TRHDE: variants seen among roughly 807,000 people sequenced by gnomAD.
TRHDE encodes thyrotropin-releasing hormone-degrading ectoenzyme.
Under a neutral mutation model 125.7 loss-of-function variants are expected in TRHDE, and 72 were observed. The ratio of observed to expected loss-of-function variants is 0.57; its 90% CI spans 0.47 to 0.70. The LOEUF is 0.70. Ranked by LOEUF, TRHDE falls within the 30% of genes least tolerant of loss-of-function variation. The probability of loss-of-function intolerance (pLI) is 0.00; values close to 1 mark genes in which losing one functional copy is unlikely to be tolerated. For missense variants in TRHDE, 1,110 were observed against 1,327.1 expected (o/e 0.84, Z 2.54); for synonymous variants, 509 against 509.1 (o/e 1.00, Z 0.00).
At chr12:72,206,665 A>G (rs1010856309) in intron 2 of TRHDE, among the ~76,000 whole-genome samples, 3 of 152,080 alleles carry the variant, frequency 2.0e-5, no homozygotes, top group Non-Finnish European at 4.4e-5. Flanking sequence ...GTGTTTCATT[A>G]TTATCCCTTT....
chr12:72,553,885 G>C (rs1172766207), intron 7 of TRHDE, among the ~76,000 whole-genome samples: 2 of 113,062 alleles, frequency 1.8e-5, no homozygotes, highest in Admixed American at 2.1e-4. Context: ...TTTCGCTCTT[G>C]TCACCCAGGC....
chr12:72,106,686 G>A (rs1875194932), intron 2 of TRHDE, among the ~76,000 whole-genome samples: 1 of 152,038 alleles, frequency 6.6e-6, no homozygotes, highest in Non-Finnish European at 1.5e-5. Flanking sequence ...CCGATATAGT[G>A]GATATTGCCA....
rs555493546 is a variant in TRHDE at position 72,365,145 on chromosome 12, C to A, written c.1189-12850C>A. 2.0e-5 allele frequency among the ~76,000 whole-genome samples: 3 copies of A among 152,154 alleles called. No homozygotes were observed. The South Asian group carries it at 6.2e-4, about 32-fold the overall frequency. ...TTGTTAGAGTTAAAAATAATAACAG[C>A]CCTGTTGAATGTATCTTCATTGAAG... On this transcript the variant is annotated intron_variant, in intron 2 of 18. Transcript: ENST00000261180.
intron 7 of TRHDE, among the ~76,000 whole-genome samples, chr12:72,553,674 C>A (rs935439939): frequency 3.3e-5 from 5 of 151,970 alleles, no homozygotes; most frequent in African/African-American, 1.2e-4. Context: ...AAGCAGCTTT[C>A]CAGAAGCCTA....
rs1483982600 is a variant in TRHDE at position 72,546,799 on chromosome 12, G to T, written c.1788+4443G>T. ...AAAGGCATTTGGGTTTCATAGGGAAGTAATACACAAATTCTCAGCTGCCTA... is the reference window on the plus strand; with the variant it reads ...AAAGGCATTTGGGTTTCATAGGGAATTAATACACAAATTCTCAGCTGCCTA... On this transcript the variant is annotated intron_variant, in intron 7 of 18. Coordinates refer to ENST00000261180, the MANE Select transcript of TRHDE (RefSeq NM_013381.3). 2.6e-5 allele frequency among the ~76,000 whole-genome samples: 4 copies of T among 151,782 alleles called. No homozygotes were observed. In the East Asian group the frequency reaches 7.8e-4, roughly 29 times the overall value.
At chr12:72,614,330 A>ATATATATATATATTTTTT (rs531067163) in intron 12 of TRHDE, among the ~76,000 whole-genome samples, 9 of 129,860 alleles carry the variant, frequency 6.9e-5, no homozygotes, top group African/African-American at 2.7e-4. Flanking sequence ...ATATATATAT[A>ATATATATATATATTTTTT]TTTTTTTTTT....
chr12:72,189,337 G>A (rs1158321849), intron 2 of TRHDE, among the ~76,000 whole-genome samples: 3 of 152,160 alleles, frequency 2.0e-5, no homozygotes, highest in Admixed American at 6.5e-5. Context: ...AAGAATGGTG[G>A]ACATTATGGA....
chr12:72,562,885 A>G lies in TRHDE; in HGVS notation c.1887A>G (p.Ile629Met). ...ALKRNGKYVN[I>M]QEVMDQWTLQ... ...AAAGAAATGGGAAATATGTAAATAT[A>G]CAAGAAGTAATGGATCAGTGGACAC... Residue 629 changes from isoleucine to methionine, a missense_variant, in exon 9 of 19, where the codon ATA becomes ATG. Around this residue, in one of 5 missense-constraint regions of TRHDE, gnomAD observed 527 missense variants for 651.8 expected, o/e 0.81. Transcript: ENST00000261180. 1 of 1,589,490 alleles carries G rather than the reference A, an allele frequency of 6.3e-7. No homozygotes were observed. The highest frequency in any genetic ancestry group is 8.5e-7 in the Non-Finnish European group (1 of 1,172,688).
chr12:72,585,565 T>G (rs4144975), intron 12 of TRHDE, among the ~76,000 whole-genome samples: 40,386 of 152,112 alleles, frequency 0.27, 8,159 homozygotes, highest in African/African-American at 0.54. Context: ...TCCTAATGCC[T>G]ACTCTAAGAG....
intron 3 of TRHDE, among the ~76,000 whole-genome samples, chr12:72,437,299 C>T (rs895916212): frequency 6.6e-6 from 1 of 151,898 alleles, no homozygotes; most frequent in East Asian, 1.9e-4. Context: ...TCTTTGTAAC[C>T]TTTCCTTTTC....
chr12:72,222,754 A>G (rs926539264), intron 2 of TRHDE, among the ~76,000 whole-genome samples: 2 of 152,082 alleles, frequency 1.3e-5, no homozygotes, highest in Non-Finnish European at 2.9e-5. Flanking sequence ...ATCTGCATTC[A>G]TAGTGGTCCT....
chr12:72,367,485 C>T (rs1871387493), intron 2 of TRHDE, among the ~76,000 whole-genome samples: 1 of 152,004 alleles, frequency 6.6e-6, no homozygotes, highest in Non-Finnish European at 1.5e-5. Context: ...TGAATCTGGG[C>T]ATTAGTTCCC....
Position 72,652,379 on chromosome 12 carries a change from G to A in TRHDE, c.2733G>A (p.Glu911=). The A allele has an allele frequency of 6.2e-7, 1 of 1,606,386 alleles. No homozygotes were observed. The highest frequency in any genetic ancestry group is 1.7e-4 in the Middle Eastern group (1 of 6,034). ...GTACAGGAGTGTCACTACTGGATGAGGATGTCTGGGAATTCATATGGATGA... is the reference window on the plus strand; with the variant it reads ...GTACAGGAGTGTCACTACTGGATGAAGATGTCTGGGAATTCATATGGATGA... ...VYCTGVSLLD[E]DVWEFIWMKF... Residue 911 remains glutamate, a synonymous_variant, in exon 16 of 19, where the codon GAG becomes GAA. Coordinates refer to ENST00000261180, the MANE Select transcript of TRHDE (RefSeq NM_013381.3).
intron 2 of TRHDE, among the ~76,000 whole-genome samples, chr12:72,233,649 G>A (rs1055435877): frequency 2.6e-5 from 4 of 152,114 alleles, no homozygotes; most frequent in African/African-American, 4.8e-5. Context: ...ACTTGATGAT[G>A]TTTTCAGTGC....
At chr12:72,343,885 A>G (rs979500896) in intron 2 of TRHDE, among the ~76,000 whole-genome samples, 1 of 152,056 alleles carries the variant, frequency 6.6e-6, no homozygotes, top group African/African-American at 2.4e-5. Flanking sequence ...CATTTCTATC[A>G]CATTGTTCAC....
chr12:72,555,353 T>A (rs991291128), intron 7 of TRHDE, among the ~76,000 whole-genome samples: 1 of 152,112 alleles, frequency 6.6e-6, no homozygotes, highest in Admixed American at 6.5e-5. Context: ...AAATCTGTCA[T>A]CTCTTTCTTT....
chr12:72,088,440 A>G (rs1269999793), intron 1 of TRHDE, among the ~76,000 whole-genome samples: 17 of 152,112 alleles, frequency 1.1e-4, no homozygotes, highest in Admixed American at 1.1e-3. Context: ...TGAGAGGTAT[A>G]TTAAAAACCT....
At chr12:72,657,844 C>T (rs1874767906) in intron 18 of TRHDE, among the ~76,000 whole-genome samples, 1 of 152,050 alleles carries the variant, frequency 6.6e-6, no homozygotes, top group African/African-American at 2.4e-5. Flanking sequence ...CATTGATGGC[C>T]TTTTCTTGTG....
At chr12:72,265,518 T>C (rs1465363225) in intron 2 of TRHDE, among the ~76,000 whole-genome samples, 4 of 151,740 alleles carry the variant, frequency 2.6e-5, no homozygotes, top group Non-Finnish European at 2.9e-5. Context: ...CATCTCTGTA[T>C]ATAAGCAAGG....
Sources: allele counts gnomAD v4.1 joint callset (sites outside exome capture counted in the v4.1 genomes callset), GRCh38; gene constraint gnomAD v4.1.1; regional missense constraint gnomAD v4.1.1; transcripts MANE v1.5; gene names NCBI Gene and HGNC (gene_info 2026-07-23, HGNC 2026-07-21).